Variants in MTHFD2L observed in about 807,000 individuals in gnomAD.
MTHFD2L encodes the protein methylenetetrahydrofolate dehydrogenase (NADP+ dependent) 2 like, also known as bifunctional methylenetetrahydrofolate dehydrogenase/cyclohydrolase 2, mitochondrial.
In MTHFD2L, 29 loss-of-function variants were observed where a neutral mutation model predicts 34.9. The observed-to-expected ratio is 0.83, with a 90% confidence interval of 0.62 to 1.13. The LOEUF (loss-of-function observed/expected upper bound fraction) is 1.13, where lower values mean the gene tolerates loss of function less well. Ranked by LOEUF, MTHFD2L falls within the 50% of genes most tolerant of loss-of-function variation. The pLI is 0.00. For missense variants in MTHFD2L, 481 were observed against 446.5 expected (o/e 1.08, Z -0.70); for synonymous variants, 167 against 155.7 (o/e 1.07, Z -0.54).
chr4:74,160,620 C>G (rs1481753754), intron 1 of MTHFD2L: 1 of 152,058 alleles, frequency 6.6e-6, no homozygotes, highest in African/African-American at 2.4e-5. Flanking sequence ...TAAATAAGCC[C>G]TTGTTGCAGC....
intron 6 of MTHFD2L, among the ~76,000 whole-genome samples, chr4:74,234,176 T>C (rs891656927): frequency 6.6e-6 from 1 of 152,084 alleles, no homozygotes; most frequent in Non-Finnish European, 1.5e-5. Flanking sequence ...TTTCAAGTTA[T>C]GTCTGTAGCC....
At chr4:74,133,810 A>G (rs1339303424) in intron 1 of MTHFD2L, among the ~76,000 whole-genome samples, 1 of 152,104 alleles carries the variant, frequency 6.6e-6, no homozygotes, top group Non-Finnish European at 1.5e-5. Flanking sequence ...TTCTAATCCC[A>G]AAATGGCAGC....
chr4:74,160,578 T>C (rs564440079), intron 1 of MTHFD2L: 2 of 152,514 alleles, frequency 1.3e-5, no homozygotes, highest in African/African-American at 4.8e-5. Context: ...AATTTAGGTC[T>C]TATTAATTGG....
At chr4:74,256,088 A>G (rs994058736) in intron 6 of MTHFD2L, among the ~76,000 whole-genome samples, 3 of 152,208 alleles carry the variant, frequency 2.0e-5, no homozygotes, top group Non-Finnish European at 4.4e-5. Flanking sequence ...GCTGCTTTCC[A>G]CAGTGGCTAA....
intron 6 of MTHFD2L, among the ~76,000 whole-genome samples, chr4:74,280,679 G>A (rs966332585): frequency 1.5e-4 from 22 of 151,634 alleles, no homozygotes; most frequent in Admixed American, 1.3e-3. Context: ...AGCTGGTACT[G>A]TTGTATTTGA....
At position 74,251,247 on chromosome 4, in the gene MTHFD2L, T is replaced by C. The variant is rs762455596; in HGVS notation, c.805+25853T>C. Among the ~76,000 whole-genome samples the C allele has an allele frequency of 6.0e-4, 91 of 152,350 alleles. 2 individuals are homozygous for C. The highest frequency in any genetic ancestry group is 1.2e-3 in the Non-Finnish European group (80 of 68,028). On this transcript the variant is annotated intron_variant, in intron 6 of 7. Transcript: ENST00000325278. ...GGTTTTTTACAAGAATTCAGTGTAA[T>C]GCAAAACTTGCGGTTCTTGACATTT... is the stretch of plus-strand genomic sequence containing the variant.
At chr4:74,175,000 T>C (rs368209614) in intron 2 of MTHFD2L, among the ~76,000 whole-genome samples, 26 of 152,320 alleles carry the variant, frequency 1.7e-4, no homozygotes, top group African/African-American at 6.3e-4. Flanking sequence ...TCTGTTAAAC[T>C]TGGCCTAATA....
At chr4:74,121,837 A>G (rs150881226), upstream of MTHFD2L, among the ~76,000 whole-genome samples, 790 of 152,010 alleles carry the variant, frequency 5.2e-3, 27 homozygotes, top group South Asian at 0.078. Flanking sequence ...ACAGAAAAAT[A>G]GTCTTCTATG....
chr4:74,201,334 C>CA lies in MTHFD2L; in HGVS notation c.676_677insA (p.Leu226HisfsTer5). The CA allele has an allele frequency of 6.2e-7, 1 of 1,613,740 alleles. No homozygotes were observed. The highest frequency in any genetic ancestry group is 8.5e-7 in the Non-Finnish European group (1 of 1,179,824). On this transcript the variant is annotated frameshift_variant, in exon 5 of 8. Coordinates refer to ENST00000325278, the MANE Select transcript of MTHFD2L (RefSeq NM_001144978.3). LOFTEE classifies it high-confidence loss of function. ...GAACGTAGGGATGCCTATTGCCATG[C>CA]TTTTACACACTGATGGAGAGCATGA... is the stretch of plus-strand genomic sequence containing the variant.
intron 6 of MTHFD2L, among the ~76,000 whole-genome samples, chr4:74,232,792 C>T (rs1019517840): frequency 6.6e-6 from 1 of 152,172 alleles, no homozygotes; most frequent in Admixed American, 6.6e-5. Flanking sequence ...AGCAGCTCTA[C>T]ACCATGTACG....
At chr4:74,299,065 T>A (rs548596394) in intron 7 of MTHFD2L, among the ~76,000 whole-genome samples, 1 of 152,124 alleles carries the variant, frequency 6.6e-6, no homozygotes, top group South Asian at 2.1e-4. Context: ...TGGTTTTTAC[T>A]ATTTTTTTCA....
intron 1 of MTHFD2L, among the ~76,000 whole-genome samples, chr4:74,171,844 A>C (rs1378762808): frequency 6.6e-6 from 1 of 152,344 alleles, no homozygotes; most frequent in East Asian, 1.9e-4. Flanking sequence ...AATATATTAA[A>C]GCATATGTGT....
Position 74,301,678 on chromosome 4 carries a change from T to A in MTHFD2L, c.932-19T>A. The A allele has an allele frequency of 1.4e-6, 2 of 1,427,892 alleles. No individual in the cohort carries two copies. The highest frequency in any genetic ancestry group is 1.9e-6 in the Non-Finnish European group (2 of 1,039,720). 88.5% of individuals were successfully genotyped at this position (1,427,892 alleles called of 1,614,324 possible). On this transcript the variant is annotated intron_variant, in intron 7 of 7. Coordinates refer to ENST00000325278, the MANE Select transcript of MTHFD2L (RefSeq NM_001144978.3). ...TATTTTAAAATAAAGAATATCTGTT[T>A]GTTTTTTTTCCTCATCAGCTGTTAA...
chr4:74,291,307 G>A (rs1256586920), intron 7 of MTHFD2L, among the ~76,000 whole-genome samples: 3 of 151,860 alleles, frequency 2.0e-5, no homozygotes, highest in African/African-American at 7.3e-5. Context: ...GAGCCTTCGT[G>A]CCTGGCCCAT....
chr4:74,238,954 A>G (rs1041692867), intron 6 of MTHFD2L, among the ~76,000 whole-genome samples: 1 of 152,254 alleles, frequency 6.6e-6, no homozygotes, highest in Middle Eastern at 3.2e-3. Flanking sequence ...AGAACTAGAA[A>G]TACCATTTGA....
At chr4:74,240,580 C>G (rs575859015) in intron 6 of MTHFD2L, among the ~76,000 whole-genome samples, 2 of 152,038 alleles carry the variant, frequency 1.3e-5, no homozygotes, top group Non-Finnish European at 2.9e-5. Context: ...GAGATATGAC[C>G]ACACACAGTC....
chr4:74,170,065 A>C (rs1727575190), intron 1 of MTHFD2L, among the ~76,000 whole-genome samples: 3 of 152,312 alleles, frequency 2.0e-5, no homozygotes, highest in African/African-American at 7.2e-5. Context: ...GCGAGAAAAA[A>C]ATGCCAATTC....
chr4:74,178,710 A>C (rs1367322918), intron 3 of MTHFD2L, among the ~76,000 whole-genome samples: 3 of 152,136 alleles, frequency 2.0e-5, no homozygotes, highest in Non-Finnish European at 4.4e-5. Flanking sequence ...CATTTATTAC[A>C]TTATGACACT....
intron 3 of MTHFD2L, among the ~76,000 whole-genome samples, chr4:74,190,080 T>G (rs1732197695): frequency 6.6e-6 from 1 of 152,204 alleles, no homozygotes; most frequent in Admixed American, 6.5e-5. Context: ...ATCATTGTCC[T>G]TGAAAAGTTT....
Sources: allele counts gnomAD v4.1 joint callset (sites outside exome capture counted in the v4.1 genomes callset), GRCh38; gene constraint gnomAD v4.1.1; transcripts MANE v1.5; gene names NCBI Gene and HGNC (gene_info 2026-07-23, HGNC 2026-07-21).